Variants in TLE4 observed in about 807,000 individuals in gnomAD.
TLE4 encodes the protein transducin-like enhancer protein 4.
TLE4 carries 8 observed loss-of-function variants against 92.8 expected under a neutral mutation model. That is an observed-to-expected ratio of 0.09 (90% confidence interval 0.05 to 0.16). The LOEUF (loss-of-function observed/expected upper bound fraction) is 0.16, where lower values mean the gene tolerates loss of function less well. TLE4 is among the 10% of genes least tolerant of loss of function. TLE4 has a pLI of 1.00. For missense variants in TLE4, 675 were observed against 997.6 expected (o/e 0.68, Z 4.36); for synonymous variants, 371 against 374.1 (o/e 0.99, Z 0.10).
At chr9:79,722,683 C>T in intron 18 of TLE4, 82 bp downstream of exon 18, 1 of 1,528,066 alleles carries the variant, frequency 6.5e-7, no homozygotes, top group Non-Finnish European at 8.9e-7. Context: ...CAAGTCGAAT[C>T]CTTGAGTTCA....
At chr9:79,708,548 GT>G in intron 12 of TLE4, 44 bp from the exon 13 acceptor site, 3 of 1,548,088 alleles carry the variant, frequency 1.9e-6, no homozygotes, top group Non-Finnish European at 2.6e-6. Context: ...CTTCACTGTT[GT>G]TTCCTGTGTT....
At chr9:79,663,792 T>TG (rs2060938573) in intron 8 of TLE4, among the ~76,000 whole-genome samples, 2 of 152,150 alleles carry the variant, frequency 1.3e-5, no homozygotes, top group African/African-American at 4.8e-5. Context: ...GTGGCAGTTT[T>TG]GGGGGGAAGG....
chr9:79,621,777 A>G (rs749295938), intron 5 of TLE4, among the ~76,000 whole-genome samples: 1 of 151,986 alleles, frequency 6.6e-6, no homozygotes, highest in South Asian at 2.1e-4. Flanking sequence ...TGCCTGGGGT[A>G]CTCTGGCATC....
chr9:79,662,270 T>C (rs761007827), intron 8 of TLE4, among the ~76,000 whole-genome samples: 1 of 152,244 alleles, frequency 6.6e-6, no homozygotes, highest in Non-Finnish European at 1.5e-5. Context: ...ATCTTCTTTT[T>C]TAAATTGCTA....
Position 79,708,220 on chromosome 9 carries a change from C to T in TLE4, c.1039C>T (p.Pro347Ser). The change falls in exon 12 of 20, where the codon CCT becomes TCT. Residue 347 changes from proline (P) to serine (S), a missense_variant. Pro to Ser is a moderately conservative substitution (Grantham distance 74). Around this residue, in one of 5 missense-constraint regions of TLE4, gnomAD observed 280 missense variants for 287.3 expected, o/e 0.97. Coordinates refer to ENST00000376552, the MANE Select transcript of TLE4 (RefSeq NM_007005.6). ...CTCTACTCCCGGATTGAGGCCTGTACCTGGAAAACCACCAGGAGTTGACCC... is the reference window on the plus strand; with the variant it reads ...CTCTACTCCCGGATTGAGGCCTGTATCTGGAAAACCACCAGGAGTTGACCC... Reference protein sequence around the residue: ...SNSTPGLRPVPGKPPGVDPLA... With the variant: ...SNSTPGLRPVSGKPPGVDPLA... The T allele has an allele frequency of 6.2e-7, 1 of 1,614,140 alleles. No individual in the cohort carries two copies. Among genetic ancestry groups the T allele is most frequent in the African/African-American group, 1.3e-5 (1 of 75,040 alleles).
Position 79,647,346 on chromosome 9 carries a change from G to A in TLE4, c.391-5247G>A, listed in dbSNP as rs552634264. On this transcript the variant is annotated intron_variant, in intron 6 of 19. Transcript: ENST00000376552. ...GAGTTCATTAATTAGTTCAGGGAAA[G>A]TTTAGTGGTAGTTATATTTAAGCCC... 3.9e-5 allele frequency among the ~76,000 whole-genome samples: 6 copies of A among 152,246 alleles called. No homozygotes were observed. In the South Asian group the frequency reaches 1.2e-3, roughly 32 times the overall value.
At position 79,572,855 on chromosome 9, in the gene TLE4, C is replaced by G. The variant is rs370494729; in HGVS notation, c.45+20C>G. 8.8e-6 allele frequency: 14 copies of G among 1,592,478 alleles called. No homozygotes were observed. The highest frequency in any genetic ancestry group is 2.2e-5 in the South Asian group (2 of 88,916). On this transcript the variant is annotated intron_variant, in intron 1 of 19. Coordinates refer to ENST00000376552, the MANE Select transcript of TLE4 (RefSeq NM_007005.6). The stretch of plus-strand genomic sequence containing the variant: ...CACCCAGTGAGTGCGGGCGGCGGGG[C>G]GCGGGCTCGCCGGGTGCTGGGGGAT...
chr9:79,626,239 C>A (rs915736478), intron 5 of TLE4, among the ~76,000 whole-genome samples: 10 of 152,128 alleles, frequency 6.6e-5, no homozygotes, highest in African/African-American at 2.2e-4. Flanking sequence ...GGAATGGGGG[C>A]CAGGTGGTTC....
intron 4 of TLE4, among the ~76,000 whole-genome samples, chr9:79,610,189 G>A (rs948829857): frequency 6.6e-6 from 1 of 152,078 alleles, no homozygotes; most frequent in Admixed American, 6.6e-5. Flanking sequence ...GCCAAGGGCT[G>A]TAATGCATCA....
At chr9:79,636,916 A>G (rs2056006508) in intron 6 of TLE4, among the ~76,000 whole-genome samples, 1 of 152,200 alleles carries the variant, frequency 6.6e-6, no homozygotes. Context: ...GATGTTTGTT[A>G]AATACTATGC....
intron 8 of TLE4, among the ~76,000 whole-genome samples, chr9:79,659,097 T>C (rs1053370943): frequency 6.6e-6 from 1 of 152,216 alleles, no homozygotes; most frequent in East Asian, 1.9e-4. Context: ...GTAGGTGTTA[T>C]GCTTACCCTT....
Position 79,721,741 on chromosome 9 carries a change from G to A in TLE4, c.1839G>A (p.Arg613=). The change falls in exon 17 of 20, where the codon AGG becomes AGA. Residue 613 remains arginine (R), a splice_region_variant and synonymous_variant. Transcript: ENST00000376552. The part of the protein sequence containing the change: ...VWDLHNQTLV[R]QFQGHTDGAS... ...TTTCCCTCCATTTTGACATTTTCAG[G>A]CAATTCCAGGGCCACACAGATGGAG... 1 of 1,613,856 alleles carries A rather than the reference G, an allele frequency of 6.2e-7. No homozygotes were observed. The highest frequency in any genetic ancestry group is 8.5e-7 in the Non-Finnish European group (1 of 1,179,960).
chr9:79,714,055 A>T (rs993703640), intron 14 of TLE4, among the ~76,000 whole-genome samples: 8 of 151,954 alleles, frequency 5.3e-5, no homozygotes, highest in Admixed American at 3.3e-4. Context: ...TTTAGTAGAC[A>T]TGAGGTTTCA....
At chr9:79,724,916 C>G in intron 19 of TLE4, 121 bp from the exon 20 acceptor site, 1 of 507,504 alleles carries the variant, frequency 2.0e-6, no homozygotes, top group African/African-American at 2.0e-5. Flanking sequence ...TTTCACCTTT[C>G]CTTGACTGGG....
intron 4 of TLE4, among the ~76,000 whole-genome samples, chr9:79,598,125 TG>T (rs1311552066): frequency 6.7e-6 from 1 of 148,878 alleles, no homozygotes; most frequent in Non-Finnish European, 1.5e-5. Context: ...GGCATGTGCC[TG>T]TAATCTCAGC....
chr9:79,708,898 C>T lies in TLE4; in HGVS notation c.1263+112C>T, dbSNP rs896659427. ...CCAGCCTGGAGTGCAGTGGCATGAT[C>T]TTGGCTCACTGCAGCCTCTGCCTCC... On this transcript the variant is annotated intron_variant, in intron 13 of 19. Transcript: ENST00000376552. 4 of 1,279,398 alleles carry T rather than the reference C, an allele frequency of 3.1e-6. No individual in the cohort carries two copies. In the African/African-American group the frequency reaches 4.5e-5, roughly 14 times the overall value. The allele number at this position is 1,279,398 out of a possible 1,614,324, so 79.3% of individuals were successfully genotyped here. A position where few individuals can be genotyped will look rare whatever the true frequency, so the allele number is the denominator to read the frequency against.
chr9:79,573,318 C>T (rs746777972), intron 1 of TLE4: 15 of 1,055,360 alleles, frequency 1.4e-5, no homozygotes, highest in Middle Eastern at 3.0e-4. Context: ...CCGGCCTGAC[C>T]GCAGCCCGAC....
chr9:79,704,483 GTT>G (rs970553724), intron 8 of TLE4, among the ~76,000 whole-genome samples: 8 of 152,144 alleles, frequency 5.3e-5, no homozygotes, highest in Non-Finnish European at 1.2e-4. Flanking sequence ...TCTGTTTTGA[GTT>G]TACACTAATT....
At chr9:79,573,370 G>T in intron 1 of TLE4, 2 of 1,151,950 alleles carry the variant, frequency 1.7e-6, no homozygotes. Flanking sequence ...TTCGATTCCG[G>T]GTGAGGAGGG....
Sources: allele counts gnomAD v4.1 joint callset (sites outside exome capture counted in the v4.1 genomes callset), GRCh38; gene constraint gnomAD v4.1.1; regional missense constraint gnomAD v4.1.1; transcripts MANE v1.5; gene names NCBI Gene and HGNC (gene_info 2026-07-23, HGNC 2026-07-21).